Variants in PTPRT observed in about 807,000 individuals in gnomAD.
The protein encoded by PTPRT is receptor-type tyrosine-protein phosphatase T.
PTPRT carries 56 observed loss-of-function variants against 176.8 expected under a neutral mutation model. The observed-to-expected ratio is 0.32, with a 90% CI of 0.26 to 0.40. The LOEUF (loss-of-function observed/expected upper bound fraction) is 0.40. Ranked by LOEUF, PTPRT falls within the 10% of genes least tolerant of loss-of-function variation. The pLI is 1.00. For synonymous variants in PTPRT, 783 were observed against 739.0 expected (o/e 1.06, Z -0.96); for missense variants, 1,540 against 1,908.2 (o/e 0.81, Z 3.60).
intron 2 of PTPRT, among the ~76,000 whole-genome samples, chr20:42,813,744 G>C (rs1226342987): frequency 3.9e-5 from 6 of 152,060 alleles, no homozygotes; most frequent in African/African-American, 1.4e-4. Context: ...GCTCATCTAA[G>C]GTGATATTTG....
At chr20:42,640,075 C>T (rs1169576563) in intron 7 of PTPRT, among the ~76,000 whole-genome samples, 1 of 152,176 alleles carries the variant, frequency 6.6e-6, no homozygotes, top group East Asian at 1.9e-4. Context: ...TCTTTACCTG[C>T]TACAATCTGG....
intron 15 of PTPRT, among the ~76,000 whole-genome samples, chr20:42,231,910 G>T (rs2056141811): frequency 6.6e-6 from 1 of 152,196 alleles, no homozygotes; most frequent in Non-Finnish European, 1.5e-5. Flanking sequence ...GAGAGCACTT[G>T]ATGGCCTCTT....
At chr20:42,492,391 G>A (rs1052097196) in intron 7 of PTPRT, among the ~76,000 whole-genome samples, 1 of 152,170 alleles carries the variant, frequency 6.6e-6, no homozygotes, top group African/African-American at 2.4e-5. Context: ...TCAGATAGGT[G>A]TGTAGTGATT....
chr20:42,858,313 G>A (rs2078600503), intron 2 of PTPRT, among the ~76,000 whole-genome samples: 1 of 152,222 alleles, frequency 6.6e-6, no homozygotes, highest in South Asian at 2.1e-4. Flanking sequence ...AAGGAACAGA[G>A]TGAGTGGATG....
At chr20:42,453,406 TTTGTA>T (rs140272182) in intron 8 of PTPRT, among the ~76,000 whole-genome samples, 34,631 of 151,672 alleles carry the variant, frequency 0.23, 4,624 homozygotes, top group African/African-American at 0.37. Flanking sequence ...TCATATTGTT[TTTGTA>T]TTGTATTAAA....
intron 8 of PTPRT, among the ~76,000 whole-genome samples, chr20:42,471,396 C>A (rs929324353): frequency 6.6e-6 from 1 of 152,068 alleles, no homozygotes; most frequent in Non-Finnish European, 1.5e-5. Context: ...GTGCTGTCTT[C>A]GCGACAGTGA....
At chr20:42,957,399 A>G (rs1002470999) in intron 1 of PTPRT, among the ~76,000 whole-genome samples, 2 of 152,138 alleles carry the variant, frequency 1.3e-5, no homozygotes, top group African/African-American at 4.8e-5. Flanking sequence ...AATCTCATAC[A>G]TTGATTTAAC....
downstream of PTPRT, among the ~76,000 whole-genome samples, chr20:42,070,589 T>C (rs1982280549): frequency 6.6e-6 from 1 of 151,946 alleles, no homozygotes; most frequent in South Asian, 2.1e-4. Flanking sequence ...TAAGAGATAT[T>C]TAAGCATATT....
At chr20:42,823,097 G>A (rs190767273) in intron 2 of PTPRT, among the ~76,000 whole-genome samples, 5 of 152,214 alleles carry the variant, frequency 3.3e-5, no homozygotes, top group Admixed American at 2.6e-4. Flanking sequence ...TGTATGTTTA[G>A]TGCAGCACTA....
At chr20:42,886,002 C>A in intron 1 of PTPRT, 70 bp from the exon 2 acceptor site, 46 of 1,344,090 alleles carry the variant, frequency 3.4e-5, no homozygotes, top group Non-Finnish European at 4.5e-5. Context: ...TCTGTCTCGT[C>A]GGCTCTTCAT....
intron 7 of PTPRT, among the ~76,000 whole-genome samples, chr20:42,633,998 ATTATATATAT>A (rs2074505476): frequency 3.4e-5 from 1 of 29,270 alleles, no homozygotes; most frequent in African/African-American, 1.2e-4. Flanking sequence ...TATTATATAT[ATTATATATAT>A]ATAATATATA....
chr20:42,797,139 A>G (rs1435000450), intron 2 of PTPRT, among the ~76,000 whole-genome samples: 2 of 152,180 alleles, frequency 1.3e-5, no homozygotes, highest in African/African-American at 4.8e-5. Flanking sequence ...TGAGAGGCAG[A>G]GTAAAATCTG....
intron 1 of PTPRT, among the ~76,000 whole-genome samples, chr20:43,045,231 T>C (rs1005991330): frequency 1.3e-5 from 2 of 152,182 alleles, no homozygotes. Flanking sequence ...TCCCCTGAGT[T>C]AGTAGCATTC....
intron 17 of PTPRT, among the ~76,000 whole-genome samples, chr20:42,154,862 G>T (rs190792873): frequency 6.8e-4 from 103 of 152,306 alleles, no homozygotes; most frequent in African/African-American, 2.2e-3. Flanking sequence ...CTGGAGCTGG[G>T]GGGGAAGCAG....
intron 1 of PTPRT, among the ~76,000 whole-genome samples, chr20:43,009,449 G>C (rs1036574904): frequency 4.6e-5 from 7 of 152,158 alleles, no homozygotes; most frequent in Non-Finnish European, 1.0e-4. Context: ...CTGGGATGTT[G>C]AAAGACGGTA....
At chr20:42,228,871 G>C (rs2056075654) in intron 15 of PTPRT, among the ~76,000 whole-genome samples, 1 of 152,166 alleles carries the variant, frequency 6.6e-6, no homozygotes, top group African/African-American at 2.4e-5. Context: ...AGATGCCAAG[G>C]GCAGGATAAC....
chr20:42,046,566 G>A, the PTPRT span, among the ~76,000 whole-genome samples: 5 of 152,190 alleles, frequency 3.3e-5, no homozygotes, highest in African/African-American at 1.2e-4. Context: ...ACAGACGTGA[G>A]ACCATGTTTA....
At chr20:42,540,408 G>A (rs1049946248) in intron 7 of PTPRT, among the ~76,000 whole-genome samples, 5 of 152,042 alleles carry the variant, frequency 3.3e-5, no homozygotes, top group African/African-American at 1.2e-4. Context: ...AGAAAAAAAA[G>A]AAGTGAGGAT....
chr20:42,042,606 C>T, the PTPRT span, among the ~76,000 whole-genome samples: 1 of 152,312 alleles, frequency 6.6e-6, no homozygotes, highest in African/African-American at 2.4e-5. Context: ...CTCATCTGAG[C>T]CGCTCTTTGG....
Sources: gnomAD v4.1 joint callset for allele counts (sites outside exome capture counted in the v4.1 genomes callset) on GRCh38, gnomAD v4.1.1 for gene constraint, MANE v1.5 for transcripts, NCBI Gene and HGNC (gene_info 2026-07-23, HGNC 2026-07-21) for gene names.